Variants in CNTLN observed in about 807,000 individuals in gnomAD.
The protein encoded by CNTLN is centlein, also known as centlein, centrosomal protein.
A neutral mutation model predicts 180.0 loss-of-function variants in CNTLN; 212 were observed. The observed-to-expected ratio is 1.18, with a 90% confidence interval of 1.05 to 1.32. CNTLN has a LOEUF of 1.32. CNTLN is among the 40% of genes most tolerant of loss of function. The probability of loss-of-function intolerance (pLI) is 0.00; values close to 1 mark genes in which losing one functional copy is unlikely to be tolerated. For missense variants in CNTLN, 2,095 were observed against 1,610.9 expected (o/e 1.30, Z -5.14); for synonymous variants, 722 against 563.1 (o/e 1.28, Z -3.99).
chr9:17,310,808 A>G (rs924894335), intron 8 of CNTLN, among the ~76,000 whole-genome samples: 1 of 152,258 alleles, frequency 6.6e-6, no homozygotes, highest in African/African-American at 2.4e-5. Context: ...TTATGTGCAT[A>G]TCACTGACTA....
chr9:17,188,848 G>C (rs941130041), intron 2 of CNTLN, among the ~76,000 whole-genome samples: 1 of 151,716 alleles, frequency 6.6e-6, no homozygotes, highest in Non-Finnish European at 1.5e-5. Context: ...TTTTTGAATT[G>C]CTTAATTTCA....
chr9:17,287,723 G>T (rs1829078398), intron 6 of CNTLN, among the ~76,000 whole-genome samples: 1 of 145,586 alleles, frequency 6.9e-6, no homozygotes, highest in Admixed American at 6.8e-5. Flanking sequence ...ACTTCTTCCT[G>T]GTTTAGTCTT....
At chr9:17,142,482 A>G (rs1355460256) in intron 1 of CNTLN, among the ~76,000 whole-genome samples, 1 of 152,182 alleles carries the variant, frequency 6.6e-6, no homozygotes, top group East Asian at 1.9e-4. Context: ...TAAATTTAAG[A>G]TATCTATTAG....
intron 23 of CNTLN, among the ~76,000 whole-genome samples, chr9:17,476,773 A>C (rs1832372003): frequency 6.6e-6 from 1 of 152,196 alleles, no homozygotes; most frequent in Admixed American, 6.5e-5. Flanking sequence ...CACCTACATA[A>C]CCTAAGAATA....
At chr9:17,341,111 G>C (rs1036794689) in intron 11 of CNTLN, among the ~76,000 whole-genome samples, 163 bp downstream of exon 11, 1 of 152,122 alleles carries the variant, frequency 6.6e-6, no homozygotes, top group African/African-American at 2.4e-5. Flanking sequence ...TTAAAACAGA[G>C]GAATGTGTTG....
At chr9:17,260,036 C>G (rs373649243) in intron 5 of CNTLN, among the ~76,000 whole-genome samples, 1 of 143,226 alleles carries the variant, frequency 7.0e-6, no homozygotes, top group Non-Finnish European at 1.5e-5. Flanking sequence ...TGTGTTTGGT[C>G]TTGCTTTTCT....
At chr9:17,290,626 T>G (rs975607093) in intron 6 of CNTLN, among the ~76,000 whole-genome samples, 11 of 146,924 alleles carry the variant, frequency 7.5e-5, no homozygotes, top group African/African-American at 2.0e-4. Flanking sequence ...CGCCTTGCAG[T>G]TTGATCTCAG....
Position 17,135,085 on chromosome 9 carries a change from C to T in CNTLN, c.20C>T (p.Pro7Leu), listed in dbSNP as rs777065952. The change falls in exon 1 of 26, where the codon CCC (proline) becomes CTC (leucine). Residue 7 changes from proline to leucine, a missense_variant. Pro to Leu is a moderately conservative substitution (Grantham distance 98). Coordinates refer to ENST00000380647, the MANE Select transcript of CNTLN (RefSeq NM_017738.4). ...GCAGCCATGGCGGCGCGTTCGCCTCCCTCACCGCACCCTTCGCCCCCAGCG... is the reference window on the plus strand; with the variant it reads ...GCAGCCATGGCGGCGCGTTCGCCTCTCTCACCGCACCCTTCGCCCCCAGCG... Reference protein sequence around the residue: MAARSPPSPHPSPPARQ... With the variant: MAARSPLSPHPSPPARQ... The T allele has an allele frequency of 6.9e-6, 11 of 1,601,330 alleles. No individual in the cohort carries two copies. In the South Asian group the frequency reaches 1.0e-4, roughly 15 times the overall value.
At chr9:17,246,062 G>A (rs985674469) in intron 5 of CNTLN, among the ~76,000 whole-genome samples, 1 of 151,984 alleles carries the variant, frequency 6.6e-6, no homozygotes, top group African/African-American at 2.4e-5. Flanking sequence ...CATTTGGTGA[G>A]GTCATGTTTT....
At chr9:17,175,494 A>G (rs939561352) in intron 2 of CNTLN, among the ~76,000 whole-genome samples, 2 of 152,130 alleles carry the variant, frequency 1.3e-5, no homozygotes, top group African/African-American at 2.4e-5. Flanking sequence ...ATTCTGTTCT[A>G]TTGATCTATA....
intron 18 of CNTLN, among the ~76,000 whole-genome samples, chr9:17,453,934 C>T (rs988313809): frequency 2.2e-4 from 33 of 152,150 alleles, no homozygotes; most frequent in Admixed American, 9.8e-4. Context: ...GAAAAGCTTG[C>T]TTTTGATTAG....
chr9:17,214,541 G>A (rs1229443728), intron 2 of CNTLN, among the ~76,000 whole-genome samples: 1 of 152,132 alleles, frequency 6.6e-6, no homozygotes, highest in Admixed American at 6.5e-5. Context: ...TCTTGGAGTT[G>A]CTCTTCTCGA....
At chr9:17,514,940 A>T in the CNTLN span, among the ~76,000 whole-genome samples, 5 of 152,208 alleles carry the variant, frequency 3.3e-5, no homozygotes, top group African/African-American at 1.2e-4. Context: ...ATGTGCTAGG[A>T]TAAAGGAAAA....
chr9:17,148,581 C>T (rs1818617937), intron 2 of CNTLN, among the ~76,000 whole-genome samples: 1 of 152,206 alleles, frequency 6.6e-6, no homozygotes, highest in Admixed American at 6.5e-5. Flanking sequence ...GCCAGCACTT[C>T]AGCACTGTGC....
chr9:17,366,002 CTG>C (rs1823789114), intron 12 of CNTLN, among the ~76,000 whole-genome samples: 1 of 152,098 alleles, frequency 6.6e-6, no homozygotes, highest in African/African-American at 2.4e-5. Flanking sequence ...ATTATATAGT[CTG>C]TATTTTAAGT....
At chr9:17,353,388 T>A (rs1317304160) in intron 12 of CNTLN, among the ~76,000 whole-genome samples, 2 of 151,666 alleles carry the variant, frequency 1.3e-5, no homozygotes, top group Admixed American at 6.6e-5. Context: ...TGTTATGGTC[T>A]GTTTTTGTTT....
intron 12 of CNTLN, among the ~76,000 whole-genome samples, chr9:17,362,575 A>T (rs970990189): frequency 1.1e-4 from 17 of 152,164 alleles, no homozygotes; most frequent in Non-Finnish European, 2.5e-4. Flanking sequence ...ACTTCAAATA[A>T]CTTTTTATTG....
chr9:17,224,872 A>G (rs113412383), intron 2 of CNTLN, among the ~76,000 whole-genome samples: 1,673 of 151,844 alleles, frequency 0.011, 33 homozygotes, highest in African/African-American at 0.038. Flanking sequence ...ATGTCAGTGT[A>G]TGGGGATTCA....
chr9:17,403,239 A>T (rs545435887), intron 15 of CNTLN, among the ~76,000 whole-genome samples: 1 of 151,870 alleles, frequency 6.6e-6, no homozygotes, highest in Admixed American at 6.6e-5. Context: ...TTTCACAGCT[A>T]TCTGAGGGCT....
Sources: gnomAD v4.1 joint callset for allele counts (sites outside exome capture counted in the v4.1 genomes callset) on GRCh38, gnomAD v4.1.1 for gene constraint, MANE v1.5 for transcripts, NCBI Gene and HGNC (gene_info 2026-07-23, HGNC 2026-07-21) for gene names.